MPP7: variants seen among roughly 807,000 people sequenced by gnomAD.
MPP7 encodes the protein MAGUK p55 scaffold protein 7.
MPP7 carries 60 observed loss-of-function variants against 76.5 expected under a neutral mutation model. The observed-to-expected ratio is 0.78, with a 90% CI of 0.64 to 0.97. MPP7 has a LOEUF of 0.97. MPP7 is among the 50% of genes least tolerant of loss of function. The pLI, the probability that MPP7 is intolerant of heterozygous loss-of-function variation, is 0.00. For missense variants in MPP7, 641 were observed against 694.0 expected (o/e 0.92, Z 0.86); for synonymous variants, 237 against 244.5 (o/e 0.97, Z 0.29).
intron 1 of MPP7, among the ~76,000 whole-genome samples, chr10:28,258,107 A>AG (rs1384252635): frequency 6.6e-6 from 1 of 152,072 alleles, no homozygotes; most frequent in Non-Finnish European, 1.5e-5. Context: ...CTTCTAAGGT[A>AG]GGTTACACCT....
intron 2 of MPP7, among the ~76,000 whole-genome samples, chr10:28,323,102 C>T (rs1188088379): frequency 6.6e-5 from 10 of 152,054 alleles, no homozygotes; most frequent in Middle Eastern, 3.4e-3. Flanking sequence ...CTGGCTAACA[C>T]GGTGAAACCC....
chr10:28,221,164 C>T (rs1280465598), intron 2 of MPP7, among the ~76,000 whole-genome samples: 1 of 152,128 alleles, frequency 6.6e-6, no homozygotes, highest in Non-Finnish European at 1.5e-5. Context: ...GGTCCTTCCA[C>T]CGTGAATTTT....
At chr10:28,199,083 G>C (rs1161043932) in intron 3 of MPP7, among the ~76,000 whole-genome samples, 3 of 152,118 alleles carry the variant, frequency 2.0e-5, no homozygotes, top group Admixed American at 2.0e-4. Context: ...AAGCAAGAGA[G>C]GATGAGAGCC....
At chr10:28,165,717 A>C (rs1199029841) in intron 3 of MPP7, among the ~76,000 whole-genome samples, 1 of 152,116 alleles carries the variant, frequency 6.6e-6, no homozygotes, top group Non-Finnish European at 1.5e-5. Flanking sequence ...ATTAGAATAA[A>C]AGTAAAATTT....
chr10:28,207,114 A>C (rs916624740), intron 2 of MPP7, among the ~76,000 whole-genome samples: 1 of 152,192 alleles, frequency 6.6e-6, no homozygotes, highest in African/African-American at 2.4e-5. Context: ...TTCAATATAA[A>C]GCAGCTCTCT....
intron 2 of MPP7, among the ~76,000 whole-genome samples, chr10:28,309,061 G>A (rs1384238080): frequency 6.6e-6 from 1 of 152,132 alleles, no homozygotes; most frequent in Non-Finnish European, 1.5e-5. Context: ...CCAGCCTTCA[G>A]TTCAGAGATG....
intron 2 of MPP7, among the ~76,000 whole-genome samples, chr10:28,216,539 G>A (rs776618745): frequency 6.6e-6 from 1 of 152,148 alleles, no homozygotes; most frequent in Non-Finnish European, 1.5e-5. Context: ...CACTGAAATA[G>A]TTGCAGAGTC....
At chr10:28,305,890 T>G (rs1334135716), upstream of MPP7, 1 of 152,248 alleles carries the variant, frequency 6.6e-6, no homozygotes, top group Non-Finnish European at 1.5e-5. Context: ...TATCATCTCC[T>G]TTATTCCAGC....
chr10:28,300,618 G>C (rs1031695274), intron 1 of MPP7, among the ~76,000 whole-genome samples: 1 of 152,090 alleles, frequency 6.6e-6, no homozygotes, highest in African/African-American at 2.4e-5. Context: ...GTGAAACAGA[G>C]GTATTAGCCA....
chr10:28,080,010 G>A (rs115544846), intron 12 of MPP7, among the ~76,000 whole-genome samples: 2,804 of 137,682 alleles, frequency 0.02, 104 homozygotes, highest in African/African-American at 0.069. Context: ...TAATCCCAGC[G>A]GAAGAATGGC....
chr10:28,228,071 G>A (rs1014764357), intron 2 of MPP7, among the ~76,000 whole-genome samples: 2 of 152,154 alleles, frequency 1.3e-5, no homozygotes, highest in Non-Finnish European at 2.9e-5. Context: ...CGAAAAGTAT[G>A]AATATGATCA....
At chr10:28,124,883 G>C in intron 7 of MPP7, 127 bp downstream of exon 7, 1 of 756,350 alleles carries the variant, frequency 1.3e-6, no homozygotes. Flanking sequence ...TCAACACAGA[G>C]AAAAATATCT....
chr10:28,122,968 T>C (rs900440689), intron 8 of MPP7, among the ~76,000 whole-genome samples: 5 of 129,092 alleles, frequency 3.9e-5, no homozygotes, highest in Non-Finnish European at 6.2e-5. Flanking sequence ...GCAATTTTTG[T>C]TTTTTTTGCA....
intron 1 of MPP7, among the ~76,000 whole-genome samples, chr10:28,258,553 CCA>C (rs1168921684): frequency 6.6e-6 from 1 of 151,418 alleles, no homozygotes; most frequent in African/African-American, 2.4e-5. Flanking sequence ...GCATGCCCCA[CCA>C]CACCTGGCTA....
At chr10:28,324,229 C>T (rs995271613) in intron 2 of MPP7, among the ~76,000 whole-genome samples, 15 of 152,158 alleles carry the variant, frequency 9.9e-5, no homozygotes, top group East Asian at 1.9e-4. Context: ...CCCTCTGCCA[C>T]GTGAGGGCAC....
At chr10:28,104,868 C>T (rs908229915) in intron 11 of MPP7, among the ~76,000 whole-genome samples, 8 of 152,036 alleles carry the variant, frequency 5.3e-5, no homozygotes, top group African/African-American at 1.7e-4. Flanking sequence ...CTCTTGCACA[C>T]ATTAGAATAA....
At chr10:28,146,335 A>C (rs534077531) in intron 5 of MPP7, among the ~76,000 whole-genome samples, 1 of 151,998 alleles carries the variant, frequency 6.6e-6, no homozygotes, top group Non-Finnish European at 1.5e-5. Flanking sequence ...ACAGCAATAC[A>C]TTCATGTACT....
chr10:28,324,664 T>A (rs963682468), intron 2 of MPP7, among the ~76,000 whole-genome samples: 2 of 152,174 alleles, frequency 1.3e-5, no homozygotes, highest in Non-Finnish European at 2.9e-5. Flanking sequence ...TCTTTTTAAA[T>A]ACATTTCATA....
intron 16 of MPP7, among the ~76,000 whole-genome samples, chr10:28,055,126 C>T (rs990189481): frequency 2.0e-5 from 3 of 152,268 alleles, no homozygotes; most frequent in Non-Finnish European, 2.9e-5. Context: ...TTCTTATCTT[C>T]GTTGAGAAAC....
Sources: gnomAD v4.1 joint callset for allele counts (sites outside exome capture counted in the v4.1 genomes callset) on GRCh38, gnomAD v4.1.1 for gene constraint, MANE v1.5 for transcripts, NCBI Gene and HGNC (gene_info 2026-07-23, HGNC 2026-07-21) for gene names.